LRRC4C: variants seen among roughly 807,000 people sequenced by gnomAD.
LRRC4C encodes leucine-rich repeat-containing protein 4C.
LRRC4C carries 5 observed loss-of-function variants against 33.6 expected under a neutral mutation model. The ratio of observed to expected loss-of-function variants is 0.15; its 90% CI spans 0.08 to 0.31. The LOEUF is 0.31. Among genes scored for constraint, LRRC4C ranks in the 10% least tolerant of loss-of-function variants. The pLI is 1.00. For missense variants in LRRC4C, 560 were observed against 796.7 expected (o/e 0.70, Z 3.58); for synonymous variants, 329 against 302.0 (o/e 1.09, Z -0.93).
intron 1 of LRRC4C, among the ~76,000 whole-genome samples, chr11:41,429,097 T>C (rs1019210370): frequency 2.0e-5 from 3 of 152,124 alleles, no homozygotes; most frequent in Non-Finnish European, 2.9e-5. Flanking sequence ...GTTACCCTCA[T>C]GCTGTTCTCT....
At chr11:41,034,098 A>G (rs1856887858) in intron 1 of LRRC4C, among the ~76,000 whole-genome samples, 1 of 151,968 alleles carries the variant, frequency 6.6e-6, no homozygotes, top group African/African-American at 2.4e-5. Flanking sequence ...GTGTCCTCCA[A>G]ATGTTTATGT....
At chr11:40,279,643 T>C (rs1901583) in intron 4 of LRRC4C, among the ~76,000 whole-genome samples, 82,346 of 151,958 alleles carry the variant, frequency 0.54, 23,961 homozygotes, top group East Asian at 0.79. Flanking sequence ...ATTATAATCA[T>C]GCTTATGTCA....
chr11:40,153,591 A>T (rs1590545406), intron 5 of LRRC4C, among the ~76,000 whole-genome samples: 1 of 152,166 alleles, frequency 6.6e-6, no homozygotes, highest in East Asian at 1.9e-4. Context: ...TAGCTTAAAA[A>T]AAAAAACAAT....
At chr11:41,282,558 G>A (rs1051149673) in intron 1 of LRRC4C, among the ~76,000 whole-genome samples, 2 of 152,128 alleles carry the variant, frequency 1.3e-5, no homozygotes, top group South Asian at 2.1e-4. Context: ...GAATCTTTAC[G>A]TGAAGACAGT....
intron 2 of LRRC4C, among the ~76,000 whole-genome samples, chr11:40,931,451 T>TA (rs1183632008): frequency 6.6e-6 from 1 of 152,172 alleles, no homozygotes; most frequent in Non-Finnish European, 1.5e-5. Context: ...AGCAGAGTCT[T>TA]ACTATTTAAC....
At chr11:40,677,902 G>A (rs941223926) in intron 2 of LRRC4C, among the ~76,000 whole-genome samples, 10 of 151,936 alleles carry the variant, frequency 6.6e-5, no homozygotes, top group South Asian at 2.1e-4. Flanking sequence ...GGAGTTTTAC[G>A]TGCTATCTTG....
intron 3 of LRRC4C, among the ~76,000 whole-genome samples, chr11:40,456,719 A>ATGT: frequency 6.6e-6 from 1 of 152,172 alleles, no homozygotes; most frequent in African/African-American, 2.4e-5. Context: ...GGCTTATGTT[A>ATGT]AAGAAAGCTT....
intron 1 of LRRC4C, among the ~76,000 whole-genome samples, chr11:41,086,405 C>A (rs1288105942): frequency 6.6e-6 from 1 of 151,982 alleles, no homozygotes; most frequent in Non-Finnish European, 1.5e-5. Context: ...AATAAACAAA[C>A]ACTTTTAAAT....
At chr11:40,411,949 G>T (rs777450266) in intron 3 of LRRC4C, among the ~76,000 whole-genome samples, 2 of 151,794 alleles carry the variant, frequency 1.3e-5, no homozygotes, top group African/African-American at 2.4e-5. Context: ...CATTTTGTAG[G>T]TGAGAAAACA....
intron 3 of LRRC4C, among the ~76,000 whole-genome samples, chr11:40,515,231 G>C (rs909952698): frequency 1.1e-4 from 16 of 151,732 alleles, no homozygotes; most frequent in African/African-American, 3.6e-4. Context: ...CCTTATATCA[G>C]GAATAAAAGA....
intron 3 of LRRC4C, among the ~76,000 whole-genome samples, chr11:40,564,428 C>T (rs957594677): frequency 1.3e-5 from 2 of 152,096 alleles, no homozygotes; most frequent in Non-Finnish European, 1.5e-5. Context: ...TCCAGTCCAT[C>T]GTAAATGCAC....
At chr11:40,917,702 C>T (rs377642313) in intron 2 of LRRC4C, among the ~76,000 whole-genome samples, 3 of 152,086 alleles carry the variant, frequency 2.0e-5, no homozygotes, top group East Asian at 3.9e-4. Flanking sequence ...AACAAAACTA[C>T]TTAATGTGAT....
Position 40,614,567 on chromosome 11 carries a change from C to CT in LRRC4C, c.-270+33574dup, listed in dbSNP as rs146505422. ...TAGTACTTGTAATTTTCTTCAACGA[C>CT]TTTTTTTTTTCTATTTATGATGTGG... On this transcript the variant is annotated intron_variant, in intron 3 of 6. Coordinates refer to ENST00000528697, the MANE Select transcript of LRRC4C (RefSeq NM_001258419.2). Among the ~76,000 whole-genome samples the CT allele has an allele frequency of 3.5e-3, 529 of 150,510 alleles. 4 individuals carry two copies. Among genetic ancestry groups the CT allele is most frequent in the Admixed American group, 6.8e-3 (102 of 15,074 alleles).
intron 2 of LRRC4C, among the ~76,000 whole-genome samples, chr11:40,684,758 G>C (rs916713572): frequency 1.3e-5 from 2 of 151,878 alleles, no homozygotes; most frequent in African/African-American, 4.8e-5. Context: ...TGCAAATGAG[G>C]AACAATTAGT....
chr11:40,754,474 T>C (rs1948845109), intron 2 of LRRC4C, among the ~76,000 whole-genome samples: 1 of 152,068 alleles, frequency 6.6e-6, no homozygotes, highest in Admixed American at 6.6e-5. Context: ...CTCACAGTTC[T>C]CCAGCGTAGA....
At chr11:40,311,292 C>G (rs1590275119) in intron 4 of LRRC4C, among the ~76,000 whole-genome samples, 1 of 152,294 alleles carries the variant, frequency 6.6e-6, no homozygotes, top group South Asian at 2.1e-4. Context: ...CTCTACCATA[C>G]TATTAAGATA....
intron 1 of LRRC4C, among the ~76,000 whole-genome samples, chr11:41,162,586 TG>T (rs1166919517): frequency 6.6e-6 from 1 of 152,202 alleles, no homozygotes; most frequent in African/African-American, 2.4e-5. Context: ...GCTACAAACC[TG>T]TACGGTATGT....
chr11:40,610,298 A>G (rs1046843137), intron 3 of LRRC4C, among the ~76,000 whole-genome samples: 1 of 151,916 alleles, frequency 6.6e-6, no homozygotes, highest in Admixed American at 6.6e-5. Context: ...AAATCTAAAT[A>G]GAGTTGACAA....
At chr11:41,414,071 T>C (rs76302294) in intron 1 of LRRC4C, among the ~76,000 whole-genome samples, 1,858 of 152,302 alleles carry the variant, frequency 0.012, 39 homozygotes, top group African/African-American at 0.043. Flanking sequence ...TCATTTTCTC[T>C]GACTTGCTAC....
Sources: gnomAD v4.1 joint callset for allele counts (sites outside exome capture counted in the v4.1 genomes callset) on GRCh38, gnomAD v4.1.1 for gene constraint, MANE v1.5 for transcripts, NCBI Gene and HGNC (gene_info 2026-07-23, HGNC 2026-07-21) for gene names.